Variants in DLG3 observed in about 807,000 individuals in gnomAD.
DLG3 encodes discs large MAGUK scaffold protein 3.
A neutral mutation model predicts 64.1 loss-of-function variants in DLG3; 1 was observed. That is an observed-to-expected ratio of 0.02 (90% CI 0.01 to 0.07). DLG3 has a LOEUF of 0.07. Among genes scored for constraint, DLG3 ranks in the 10% least tolerant of loss-of-function variants. The probability of loss-of-function intolerance (pLI) is 1.00; values close to 1 mark genes in which losing one functional copy is unlikely to be tolerated. For missense variants in DLG3, 429 were observed against 669.5 expected (o/e 0.64, Z 3.96); for synonymous variants, 245 against 259.8 (o/e 0.94, Z 0.55).
chrX:70,453,624 CCT>C lies in DLG3; in HGVS notation c.1146-12_1146-11del. 8.3e-7 allele frequency: 1 copy of C among 1,208,047 alleles called. No homozygotes were observed. The highest frequency in any genetic ancestry group is 3.0e-5 in the East Asian group (1 of 33,778). On this transcript the variant is annotated splice_polypyrimidine_tract_variant and intron_variant, in intron 7 of 18. Coordinates refer to ENST00000374360, the MANE Select transcript of DLG3 (RefSeq NM_021120.4). ...TCTACCTAGTCCTGACTCCTCCACTCCTTTCCCACCAGAGAGCCTCGCAAGAT... is the reference window on the plus strand; with the variant it reads ...TCTACCTAGTCCTGACTCCTCCACTCTTCCCACCAGAGAGCCTCGCAAGAT...
intron 9 of DLG3, among the ~76,000 whole-genome samples, chrX:70,462,046 C>A (rs57237102): frequency 4.0e-4 from 36 of 89,991 alleles, no homozygotes; most frequent in African/African-American, 1.4e-3. Flanking sequence ...CTCATCCCCC[C>A]CCCACCGCCC....
intron 14 of DLG3, 24 bp from the exon 15 acceptor site, chrX:70,499,152 T>A (rs1270922136): frequency 8.8e-7 from 1 of 1,140,816 alleles, no homozygotes; most frequent in Non-Finnish European, 1.2e-6. Context: ...CTCTGTTCAC[T>A]GTCTCGATGC....
In DLG3 at chrX:70,445,308, C is replaced by A; in HGVS notation, c.107C>A (p.Pro36His). The A allele has an allele frequency of 8.6e-7, 1 of 1,166,099 alleles. No homozygotes were observed. The highest frequency in any genetic ancestry group is 1.8e-5 in the African/African-American group (1 of 56,788). Residue 36 changes from proline to histidine, a missense_variant, in exon 1 of 19, where the codon CCC (proline) becomes CAC (histidine). Physicochemically the swap from Pro to His is moderately conservative, Grantham distance 77. This residue lies in a region of DLG3 where 123 missense variants were observed against 113.3 expected (regional missense o/e 1.09). Transcript: ENST00000374360. The stretch of plus-strand genomic sequence containing the variant: ...CCGGGCTACGGCGACTGGCAAGTCC[C>A]CGACCCTTACGGGCCAGGTGGGGGC... The part of the protein sequence containing the change: ...EPPGYGDWQV[P>H]DPYGPGGGNG...
intron 1 of DLG3, among the ~76,000 whole-genome samples, chrX:70,448,184 G>A (rs747827889): frequency 8.9e-6 from 1 of 112,565 alleles, no homozygotes; most frequent in South Asian, 3.7e-4. Flanking sequence ...GAAGACTCAC[G>A]AGGTGCTCCA....
At chrX:70,488,453 T>C (rs2087297481) in intron 10 of DLG3, among the ~76,000 whole-genome samples, 1 of 112,201 alleles carries the variant, frequency 8.9e-6, no homozygotes, top group Admixed American at 9.5e-5. Flanking sequence ...TGGCTTTCAT[T>C]GTCTTTGAGG....
In DLG3 at chrX:70,481,740, A is replaced by G. The variant is rs776249597; in HGVS notation, c.1520+2476A>G. Among the ~76,000 whole-genome samples the G allele has an allele frequency of 7.1e-5, 8 of 112,012 alleles. No homozygotes were observed. In the South Asian group the frequency reaches 3.0e-3, roughly 42 times the overall value. On this transcript the variant is annotated intron_variant, in intron 10 of 18. Transcript: ENST00000374360. ...GGGTGACTTCTTAGTCTTCAAATTTAGTGACTGGTTCACTGGTTCTCTGAC... is the reference window on the plus strand; with the variant it reads ...GGGTGACTTCTTAGTCTTCAAATTTGGTGACTGGTTCACTGGTTCTCTGAC...
In DLG3 at chrX:70,450,141, C is replaced by T. The variant is rs757563882; in HGVS notation, c.704-28C>T. On this transcript the variant is annotated intron_variant, in intron 4 of 18. Coordinates refer to ENST00000374360, the MANE Select transcript of DLG3 (RefSeq NM_021120.4). ...CACTTTAACCTCTCCTTGTGGCCCTCTCCCACCTCCTGCTGGCTCCCGCTC... is the reference window on the plus strand; with the variant it reads ...CACTTTAACCTCTCCTTGTGGCCCTTTCCCACCTCCTGCTGGCTCCCGCTC... The T allele has an allele frequency of 2.6e-5, 32 of 1,208,570 alleles. No homozygotes were observed. The South Asian group carries it at 5.5e-4, about 21-fold the overall frequency.
At chrX:70,460,909 C>T (rs1209929851) in intron 9 of DLG3, among the ~76,000 whole-genome samples, 1 of 112,394 alleles carries the variant, frequency 8.9e-6, no homozygotes, top group Non-Finnish European at 1.9e-5. Flanking sequence ...ATCAATACTT[C>T]ATTCCTTTTT....
At position 70,492,302 on chromosome X, in the gene DLG3, G is replaced by C; in HGVS notation, c.1697+19G>C. Reference sequence around the variant, plus strand: ...AGAAGAGGTGAGTCGTCATGATCATGAGCAAGGCCTTTCCTGCCCTCTTGC... The same window carrying C: ...AGAAGAGGTGAGTCGTCATGATCATCAGCAAGGCCTTTCCTGCCCTCTTGC... On this transcript the variant is annotated intron_variant, in intron 11 of 18. Coordinates refer to ENST00000374360, the MANE Select transcript of DLG3 (RefSeq NM_021120.4). The C allele has an allele frequency of 1.7e-6, 2 of 1,209,663 alleles. No homozygotes were observed. The highest frequency in any genetic ancestry group is 1.1e-6 in the Non-Finnish European group (1 of 893,829).
At chrX:70,445,770 C>T (rs1199182478) in intron 1 of DLG3, among the ~76,000 whole-genome samples, 1 of 94,046 alleles carries the variant, frequency 1.1e-5, no homozygotes, top group Non-Finnish European at 2.1e-5. Flanking sequence ...TGGGAGGAGC[C>T]GTGTGTCAGG....
At chrX:70,493,373 C>T (rs758159126) in intron 12 of DLG3, 2 of 1,199,077 alleles carry the variant, frequency 1.7e-6, no homozygotes, top group African/African-American at 1.8e-5. Flanking sequence ...TGTTCTTTCA[C>T]AGTCGATCAA....
At chrX:70,476,945 T>C (rs2087063837) in intron 9 of DLG3, among the ~76,000 whole-genome samples, 1 of 112,774 alleles carries the variant, frequency 8.9e-6, no homozygotes, top group South Asian at 3.6e-4. Flanking sequence ...TAAAACACAA[T>C]TTAATAAACT....
At chrX:70,497,076 G>T in intron 13 of DLG3, 1 of 850,230 alleles carries the variant, frequency 1.2e-6, no homozygotes, top group South Asian at 2.1e-5. Flanking sequence ...GCCTGACTCA[G>T]TTGGCAGCTC....
intron 9 of DLG3, among the ~76,000 whole-genome samples, chrX:70,460,757 T>A (rs1238419431): frequency 1.8e-5 from 2 of 111,569 alleles, no homozygotes; most frequent in Non-Finnish European, 3.8e-5. Flanking sequence ...CCCTCATGTC[T>A]AAGCAACCAC....
At chrX:70,463,502 A>G (rs1240788909) in intron 9 of DLG3, among the ~76,000 whole-genome samples, 1 of 111,678 alleles carries the variant, frequency 9.0e-6, no homozygotes, top group Non-Finnish European at 1.9e-5. Context: ...TTTTTGGTTT[A>G]ATATGTTGCT....
At chrX:70,495,553 A>AG in intron 13 of DLG3, 100 bp downstream of exon 13, 1 of 828,726 alleles carries the variant, frequency 1.2e-6, no homozygotes, top group South Asian at 2.0e-5. Flanking sequence ...GGGTGAGGGG[A>AG]GGGCAGTGTT....
At chrX:70,475,365 T>G (rs1226486385) in intron 9 of DLG3, among the ~76,000 whole-genome samples, 1 of 111,282 alleles carries the variant, frequency 9.0e-6, no homozygotes, top group Non-Finnish European at 1.9e-5. Flanking sequence ...TTTTTGTTTG[T>G]TTGTTTGTTT....
intron 7 of DLG3, chrX:70,452,732 C>T: frequency 8.4e-7 from 1 of 1,194,962 alleles, no homozygotes; most frequent in South Asian, 1.9e-5. Flanking sequence ...CGCTCCGCTC[C>T]CTGCGGCCCG....
intron 9 of DLG3, among the ~76,000 whole-genome samples, chrX:70,463,770 TGAG>T (rs1345833700): frequency 8.9e-6 from 1 of 112,114 alleles, no homozygotes; most frequent in African/African-American, 3.2e-5. Context: ...ATCTATAAAA[TGAG>T]GAGACTGTGC....
Sources: gnomAD v4.1 joint callset for allele counts (sites outside exome capture counted in the v4.1 genomes callset) on GRCh38, gnomAD v4.1.1 for gene constraint, gnomAD v4.1.1 regional missense constraint, MANE v1.5 for transcripts, NCBI Gene and HGNC (gene_info 2026-07-23, HGNC 2026-07-21) for gene names.